AUTS2: variants seen among roughly 807,000 people sequenced by gnomAD.
AUTS2 encodes the protein activator of transcription and developmental regulator AUTS2, also known as autism susceptibility gene 2 protein.
Under a neutral mutation model 112.4 loss-of-function variants are expected in AUTS2, and 17 were observed. The ratio of observed to expected loss-of-function variants is 0.15; its 90% CI spans 0.10 to 0.23. The LOEUF (loss-of-function observed/expected upper bound fraction) is 0.23, where lower values mean the gene tolerates loss of function less well. Ranked by LOEUF, AUTS2 falls within the 10% of genes least tolerant of loss-of-function variation. The probability of loss-of-function intolerance (pLI) is 1.00; values close to 1 mark genes in which losing one functional copy is unlikely to be tolerated. For synonymous variants in AUTS2, 751 were observed against 702.7 expected (o/e 1.07, Z -1.09); for missense variants, 1,510 against 1,701.6 (o/e 0.89, Z 1.98).
chr7:69,647,746 A>T (rs764935631), intron 1 of AUTS2, among the ~76,000 whole-genome samples: 3 of 152,206 alleles, frequency 2.0e-5, no homozygotes, highest in South Asian at 2.1e-4. Context: ...AAACAACAGA[A>T]ATAGTCTCAT....
intron 4 of AUTS2, among the ~76,000 whole-genome samples, chr7:70,361,687 T>A (rs902225341): frequency 6.6e-6 from 1 of 152,078 alleles, no homozygotes; most frequent in South Asian, 2.1e-4. Flanking sequence ...AAGGGTAGGA[T>A]GAACAGAAAG....
intron 4 of AUTS2, among the ~76,000 whole-genome samples, chr7:70,299,891 A>AT (rs542578182): frequency 7.6e-4 from 116 of 151,744 alleles, no homozygotes; most frequent in African/African-American, 2.6e-3. Context: ...TCTAGATGCC[A>AT]TTTTTTTTCT....
intron 1 of AUTS2, among the ~76,000 whole-genome samples, chr7:69,711,681 A>G (rs1002889501): frequency 2.0e-5 from 3 of 152,190 alleles, no homozygotes; most frequent in Non-Finnish European, 4.4e-5. Flanking sequence ...CCTCGTAAAA[A>G]TAGAGGGAAA....
chr7:69,790,408 G>A (rs1489762402), intron 1 of AUTS2, among the ~76,000 whole-genome samples: 1 of 152,192 alleles, frequency 6.6e-6, no homozygotes, highest in Admixed American at 6.5e-5. Flanking sequence ...TAGGGAAGGG[G>A]ATGACAATGG....
chr7:70,392,700 C>A (rs1268067748), intron 4 of AUTS2, among the ~76,000 whole-genome samples: 1 of 152,190 alleles, frequency 6.6e-6, no homozygotes, highest in Admixed American at 6.5e-5. Flanking sequence ...AGCCTGCCTC[C>A]GCTTGCTAAC....
chr7:70,698,418 G>A, intron 5 of AUTS2, 151 bp from the exon 6 acceptor site: 1 of 631,352 alleles, frequency 1.6e-6, no homozygotes, highest in Non-Finnish European at 2.7e-6. Flanking sequence ...CAGTCAACTA[G>A]CACCACCTTA....
intron 5 of AUTS2, among the ~76,000 whole-genome samples, chr7:70,611,780 G>A (rs1015699040): frequency 6.6e-6 from 1 of 152,162 alleles, no homozygotes; most frequent in African/African-American, 2.4e-5. Flanking sequence ...TCACTAGAAT[G>A]TACTTATACT....
At chr7:69,860,710 TTAAAG>T (rs1318652892) in intron 1 of AUTS2, among the ~76,000 whole-genome samples, 4 of 152,164 alleles carry the variant, frequency 2.6e-5, no homozygotes, top group Non-Finnish European at 5.9e-5. Flanking sequence ...TTGGGTTTCT[TTAAAG>T]TAAGCTCTCT....
chr7:70,086,571 A>T (rs1174487054), intron 2 of AUTS2, among the ~76,000 whole-genome samples: 1 of 150,176 alleles, frequency 6.7e-6, no homozygotes, highest in Non-Finnish European at 1.5e-5. Flanking sequence ...AACCTGGGAA[A>T]CGATGGTTGC....
chr7:70,462,828 G>A (rs186571563), intron 5 of AUTS2, among the ~76,000 whole-genome samples: 29 of 152,226 alleles, frequency 1.9e-4, no homozygotes, highest in Admixed American at 1.7e-3. Context: ...GTGGTGGCAG[G>A]TGCCTGTAGT....
At chr7:70,056,264 C>T (rs912327042) in intron 2 of AUTS2, among the ~76,000 whole-genome samples, 3 of 152,132 alleles carry the variant, frequency 2.0e-5, no homozygotes, top group African/African-American at 7.2e-5. Context: ...AGGATACAGG[C>T]GCCCAGCTCT....
chr7:70,479,357 G>A (rs368623480), intron 5 of AUTS2, among the ~76,000 whole-genome samples: 5 of 152,078 alleles, frequency 3.3e-5, no homozygotes, highest in African/African-American at 9.7e-5. Flanking sequence ...GTCCAGCACC[G>A]CCCCTGACCC....
At chr7:70,078,391 C>T (rs777040176) in intron 2 of AUTS2, among the ~76,000 whole-genome samples, 15 of 152,134 alleles carry the variant, frequency 9.9e-5, no homozygotes, top group African/African-American at 1.4e-4. Context: ...AATGTATTGA[C>T]GAATTGTTTA....
chr7:70,769,610 G>A (rs575873988), intron 10 of AUTS2, among the ~76,000 whole-genome samples: 13 of 152,306 alleles, frequency 8.5e-5, no homozygotes, highest in East Asian at 7.7e-4. Flanking sequence ...GCGTGAACCC[G>A]GGAGGCGGAG....
chr7:70,137,339 A>G (rs539234218), intron 4 of AUTS2, among the ~76,000 whole-genome samples: 73 of 152,182 alleles, frequency 4.8e-4, no homozygotes, highest in South Asian at 1.0e-3. Flanking sequence ...TATTCATTAC[A>G]TACTCATGCC....
intron 4 of AUTS2, among the ~76,000 whole-genome samples, chr7:70,203,360 A>G (rs929281832): frequency 1.3e-5 from 2 of 148,450 alleles, no homozygotes; most frequent in Non-Finnish European, 3.0e-5. Context: ...AAAAAAAAAA[A>G]AAGAAGTTTA....
chr7:70,351,371 A>G (rs1260471533), intron 4 of AUTS2, among the ~76,000 whole-genome samples: 1 of 152,106 alleles, frequency 6.6e-6, no homozygotes, highest in Non-Finnish European at 1.5e-5. Context: ...TTCTTTTTTA[A>G]GGAGATGTAT....
chr7:70,303,436 A>ACACACG (rs1414315566), intron 4 of AUTS2, among the ~76,000 whole-genome samples: 7 of 105,082 alleles, frequency 6.7e-5, no homozygotes, highest in African/African-American at 2.5e-4. Flanking sequence ...GCGCGCGCGC[A>ACACACG]CATACACACA....
Position 70,631,014 on chromosome 7 carries a change from G to T in AUTS2, c.691-67555G>T, listed in dbSNP as rs1352259739. Among the ~76,000 whole-genome samples the T allele has an allele frequency of 6.6e-6, 1 of 152,008 alleles. No homozygotes were observed. The highest frequency in any genetic ancestry group is 2.4e-5 in the African/African-American group (1 of 41,366). On this transcript the variant is annotated intron_variant, in intron 5 of 18. Transcript: ENST00000342771. This position sits in a 1 kb window ranked among gnomAD's most constrained non-coding sequence, Gnocchi z 4.5. ...AGCGTACTTTAATGAAGAAGATAAA[G>T]CGGCCCGGCTGGTGTCCCACAGGCT...
Sources: allele counts gnomAD v4.1 joint callset (sites outside exome capture counted in the v4.1 genomes callset), GRCh38; gene constraint gnomAD v4.1.1; non-coding constraint Gnocchi (gnomAD v3.1); transcripts MANE v1.5; gene names NCBI Gene and HGNC (gene_info 2026-07-23, HGNC 2026-07-21).